The following PDZD2 variants were observed in gnomAD, a reference collection of about 807,000 sequenced individuals.
PDZD2 encodes the protein PDZ domain-containing protein 2.
A neutral mutation model predicts 220.7 loss-of-function variants in PDZD2; 90 were observed. The observed-to-expected ratio is 0.41, with a 90% confidence interval of 0.34 to 0.49. PDZD2 has a LOEUF of 0.49. Among genes scored for constraint, PDZD2 ranks in the 20% least tolerant of loss-of-function variants. The pLI, the probability that PDZD2 is intolerant of heterozygous loss-of-function variation, is 0.28. For synonymous variants in PDZD2, 1,375 were observed against 1,450.5 expected, an observed-to-expected ratio of 0.95 and a Z score of 1.18; for missense variants, 3,174 against 3,608.5, an observed-to-expected ratio of 0.88 and a Z score of 3.08.
intron 2 of PDZD2, among the ~76,000 whole-genome samples, chr5:31,880,798 T>TCTTTTTTTC (rs55945817): frequency 9.8e-6 from 1 of 102,218 alleles, no homozygotes; most frequent in Non-Finnish European, 1.8e-5. Flanking sequence ...TTTCTTTTTT[T>TCTTTTTTTC]TTTTTTTTTT....
intron 1 of PDZD2, among the ~76,000 whole-genome samples, chr5:31,746,004 G>T (rs994941138): frequency 6.6e-6 from 1 of 152,118 alleles, no homozygotes; most frequent in African/African-American, 2.4e-5. Context: ...CCACTGCATA[G>T]ATTGTTTCTG....
chr5:31,865,921 G>A (rs1278547178), intron 2 of PDZD2, among the ~76,000 whole-genome samples: 4 of 150,196 alleles, frequency 2.7e-5, no homozygotes, highest in Admixed American at 6.6e-5. Context: ...GTGAGCCACC[G>A]CACCTGCCCT....
intron 2 of PDZD2, chr5:31,822,414 G>A: frequency 2.7e-6 from 1 of 377,346 alleles, no homozygotes; most frequent in South Asian, 2.1e-5. Context: ...AGGACTACAG[G>A]TGCACACCAC....
intron 6 of PDZD2, among the ~76,000 whole-genome samples, chr5:32,024,792 A>C (rs933840034): frequency 6.6e-6 from 1 of 152,182 alleles, no homozygotes; most frequent in Non-Finnish European, 1.5e-5. Flanking sequence ...CAACTGAAGG[A>C]CCACATAATA....
In PDZD2 at chr5:32,000,256, TGTG is replaced by T. The variant is rs759446189; in HGVS notation, c.1244_1246del (p.Val415del). On this transcript the variant is annotated inframe_deletion, in exon 5 of 25. Transcript: ENST00000438447. The surrounding 1 kb of genome is among the most constrained non-coding windows in gnomAD (Gnocchi z 4.5). ...GCTCCGCCACGGGAATGGTGCAGCT[TGTG>T]GTGGCCAGCAAGGTAGGTCGTGTTT... 26 of 1,614,062 alleles carry T rather than the reference TGTG, an allele frequency of 1.6e-5. No individual in the cohort carries two copies. Among genetic ancestry groups the T allele is most frequent in the Non-Finnish European group, 1.9e-5 (23 of 1,180,044 alleles).
intron 2 of PDZD2, among the ~76,000 whole-genome samples, chr5:31,856,908 CTATATA>C (rs61675053): frequency 0.38 from 53,530 of 140,432 alleles, 10,296 homozygotes; most frequent in South Asian, 0.48. Flanking sequence ...CTTATCAAAA[CTATATA>C]TATATATATA....
At chr5:32,058,206 G>A in intron 12 of PDZD2, 103 bp downstream of exon 12, 1 of 690,118 alleles carries the variant, frequency 1.4e-6, no homozygotes, top group South Asian at 1.8e-5. Flanking sequence ...TATTCCTTTG[G>A]TACAATCTTC....
intron 1 of PDZD2, among the ~76,000 whole-genome samples, chr5:31,758,391 G>T (rs1438633253): frequency 6.6e-6 from 1 of 152,198 alleles, no homozygotes; most frequent in African/African-American, 2.4e-5. Flanking sequence ...TCCATGAAGG[G>T]CGCCCCAGAG....
At chr5:31,985,182 G>A (rs1448132031) in intron 3 of PDZD2, among the ~76,000 whole-genome samples, 2 of 151,814 alleles carry the variant, frequency 1.3e-5, no homozygotes. Context: ...ATTATAATGT[G>A]TTTCTTATCA....
chr5:31,789,184 A>G (rs980925042), intron 1 of PDZD2, among the ~76,000 whole-genome samples: 1 of 152,184 alleles, frequency 6.6e-6, no homozygotes. Flanking sequence ...GCCATCACAT[A>G]TGCATTCTAA....
intron 2 of PDZD2, among the ~76,000 whole-genome samples, chr5:31,817,027 C>CA (rs1222732731): frequency 2.6e-5 from 4 of 151,672 alleles, no homozygotes; most frequent in East Asian, 1.9e-4. Context: ...ACTAAAAATA[C>CA]AAAAAAACAT....
chr5:32,081,076 TA>T (rs34533191), intron 19 of PDZD2, among the ~76,000 whole-genome samples: 12,335 of 142,086 alleles, frequency 0.087, 565 homozygotes, highest in East Asian at 0.24. Flanking sequence ...TCCCAGAACT[TA>T]AAAAAAAAAA....
chr5:31,951,843 T>C (rs941315061), intron 2 of PDZD2, among the ~76,000 whole-genome samples: 5 of 152,178 alleles, frequency 3.3e-5, no homozygotes, highest in Admixed American at 3.3e-4. Context: ...TCCTAAAGCT[T>C]TGGAAAAAAA....
chr5:32,068,961 G>C (rs1278080451), intron 14 of PDZD2, among the ~76,000 whole-genome samples: 1 of 152,064 alleles, frequency 6.6e-6, no homozygotes, highest in African/African-American at 2.4e-5. Flanking sequence ...TTTTATGTAG[G>C]TTTAAAATTG....
At chr5:31,810,241 CT>C (rs975898513) in intron 2 of PDZD2, among the ~76,000 whole-genome samples, 1 of 105,922 alleles carries the variant, frequency 9.4e-6, no homozygotes, top group Admixed American at 8.9e-5. Flanking sequence ...CTCAAAATGA[CT>C]TTTTCTTTTC....
At position 31,849,905 on chromosome 5, in the gene PDZD2, CATATATATATAT is replaced by C. The variant is rs1273295441; in HGVS notation, c.476+50183_476+50194del. ...ATATATATACACATATATATATATA[CATATATATATAT>C]ACATATATATATATACACATATATA... On this transcript the variant is annotated intron_variant, in intron 2 of 24. Coordinates refer to ENST00000438447, the MANE Select transcript of PDZD2 (RefSeq NM_178140.4). Among the ~76,000 whole-genome samples, 89 of 22,044 alleles carry C rather than the reference CATATATATATAT, an allele frequency of 4.0e-3. 7 individuals carry two copies. Among genetic ancestry groups the C allele is most frequent in the East Asian group, 0.013 (6 of 446 alleles). 14.5% of individuals were successfully genotyped at this position (22,044 alleles called of 152,430 possible). A position where few individuals can be genotyped will look rare whatever the true frequency, so the allele number is the denominator to read the frequency against.
At chr5:31,951,570 A>G (rs1163215464) in intron 2 of PDZD2, among the ~76,000 whole-genome samples, 1 of 152,220 alleles carries the variant, frequency 6.6e-6, no homozygotes, top group Non-Finnish European at 1.5e-5. Flanking sequence ...CACTTAGCAT[A>G]ATGGATTGAG....
At chr5:31,713,617 A>G (rs979071907) in intron 1 of PDZD2, among the ~76,000 whole-genome samples, 3 of 152,280 alleles carry the variant, frequency 2.0e-5, no homozygotes, top group South Asian at 2.1e-4. Context: ...TTCTTCCTCT[A>G]TTAGTTCCTG....
In PDZD2 at chr5:31,691,398, G is replaced by A. The variant is rs183095379; in HGVS notation, c.-361+51961G>A. On this transcript the variant is annotated intron_variant, in intron 1 of 24. Transcript: ENST00000438447. ...TTATTGCACAGAGCGAAAGAACAAA[G>A]CTCCCGTAGAGTGGAAGGGGGCCCG... 8.8e-5 allele frequency among the ~76,000 whole-genome samples: 12 copies of A among 136,768 alleles called. 1 individual carries two copies. Among genetic ancestry groups the A allele is most frequent in the Non-Finnish European group, 1.3e-4 (9 of 67,932 alleles). 89.7% of individuals were successfully genotyped at this position (136,768 alleles called of 152,430 possible). A position where few individuals can be genotyped will look rare whatever the true frequency, so the allele number is the denominator to read the frequency against.
Sources: gnomAD v4.1 joint callset for allele counts (sites outside exome capture counted in the v4.1 genomes callset) on GRCh38, gnomAD v4.1.1 for gene constraint, Gnocchi (gnomAD v3.1) non-coding constraint, MANE v1.5 for transcripts, NCBI Gene and HGNC (gene_info 2026-07-23, HGNC 2026-07-21) for gene names.